The following DMD variants were observed in gnomAD, a reference collection of about 807,000 sequenced individuals.
DMD encodes the protein dystrophin.
In DMD, 63 loss-of-function variants were observed where a neutral mutation model predicts 330.1. The observed-to-expected ratio is 0.19, with a 90% confidence interval of 0.16 to 0.24. The LOEUF is 0.24. DMD is among the 10% of genes least tolerant of loss of function. The pLI, the probability that DMD is intolerant of heterozygous loss-of-function variation, is 1.00. For synonymous variants in DMD, 1,223 were observed against 959.8 expected, an observed-to-expected ratio of 1.27 and a Z score of -5.07; for missense variants, 3,344 against 2,684.1, an observed-to-expected ratio of 1.25 and a Z score of -5.43.
At chrX:32,554,939 A>AAGAAAGAAAGAAAGAG (rs1556792002) in intron 16 of DMD, among the ~76,000 whole-genome samples, 1 of 27,603 alleles carries the variant, frequency 3.6e-5, no homozygotes. Flanking sequence ...GAAAGAAAGA[A>AAGAAAGAAAGAAAGAG]AGAGAGAGAG....
At chrX:33,054,650 G>T (rs779710646) in intron 1 of DMD, among the ~76,000 whole-genome samples, 4 of 112,060 alleles carry the variant, frequency 3.6e-5, no homozygotes, top group Non-Finnish European at 5.6e-5. Flanking sequence ...TGACACAATC[G>T]AATATGCTTT....
chrX:33,129,717 G>A (rs1010288664), intron 1 of DMD, among the ~76,000 whole-genome samples: 4 of 110,095 alleles, frequency 3.6e-5, no homozygotes, highest in African/African-American at 1.3e-4. Flanking sequence ...TAATCGTACC[G>A]TATTCCCTTG....
At chrX:31,871,061 A>G (rs1487100196) in intron 48 of DMD, among the ~76,000 whole-genome samples, 1 of 111,810 alleles carries the variant, frequency 8.9e-6, no homozygotes, top group Admixed American at 9.5e-5. Flanking sequence ...GGATCTTAGC[A>G]TTCAATTATC....
intron 41 of DMD, among the ~76,000 whole-genome samples, chrX:32,315,849 T>C (rs866120463): frequency 1.8e-5 from 2 of 112,201 alleles, no homozygotes; most frequent in South Asian, 3.7e-4. Flanking sequence ...GTGGCATCTA[T>C]TTAAATTGCC....
intron 52 of DMD, among the ~76,000 whole-genome samples, chrX:31,716,856 C>CACAT (rs1253905525): frequency 7.8e-5 from 7 of 89,760 alleles, no homozygotes; most frequent in Admixed American, 1.5e-4. Context: ...CACACACACA[C>CACAT]ATATATATAT....
At chrX:32,706,648 A>T (rs939397667) in intron 7 of DMD, among the ~76,000 whole-genome samples, 2 of 112,187 alleles carry the variant, frequency 1.8e-5, no homozygotes, top group African/African-American at 6.5e-5. Context: ...ACAGGGAAAA[A>T]AGGAAAATCA....
Position 31,194,368 on chromosome X carries a change from G to A in DMD, c.9807+9593C>T, listed in dbSNP as rs146377997. 5.7e-3 allele frequency among the ~76,000 whole-genome samples: 636 copies of A among 112,183 alleles called. 4 individuals are homozygous for A. Among genetic ancestry groups the A allele is most frequent in the African/African-American group, 0.02 (602 of 30,862 alleles). On this transcript the variant is annotated intron_variant, in intron 67 of 78. Transcript: ENST00000357033. ...GGACTGCATATCAGAGGGTATTGCTGGATTGCTGTTAAATTTGTGTGTAAC... is the reference window on the plus strand; with the variant it reads ...GGACTGCATATCAGAGGGTATTGCTAGATTGCTGTTAAATTTGTGTGTAAC...
At chrX:32,261,200 G>A (rs1402167293) in intron 43 of DMD, among the ~76,000 whole-genome samples, 1 of 111,981 alleles carries the variant, frequency 8.9e-6, no homozygotes, top group African/African-American at 3.2e-5. Context: ...CTACCCGTTT[G>A]AAATCAAAGC....
intron 9 of DMD, among the ~76,000 whole-genome samples, chrX:32,653,532 C>A (rs2060325341): frequency 8.9e-6 from 1 of 111,801 alleles, no homozygotes; most frequent in African/African-American, 3.3e-5. Flanking sequence ...TATTCTGATA[C>A]CAGTACCATG....
intron 62 of DMD, among the ~76,000 whole-genome samples, chrX:31,268,070 T>G (rs185439832): frequency 2.7e-5 from 3 of 112,310 alleles, no homozygotes; most frequent in Non-Finnish European, 5.6e-5. Context: ...AATTTATTTC[T>G]TAAGGGATGG....
chrX:32,050,350 A>G (rs2096099588), intron 44 of DMD, among the ~76,000 whole-genome samples: 1 of 111,240 alleles, frequency 9.0e-6, no homozygotes, highest in Admixed American at 9.6e-5. Flanking sequence ...CAAGTGGGAG[A>G]AGCATAATAA....
At chrX:31,935,254 C>A (rs1291397134) in intron 45 of DMD, among the ~76,000 whole-genome samples, 1 of 112,025 alleles carries the variant, frequency 8.9e-6, no homozygotes, top group Non-Finnish European at 1.9e-5. Flanking sequence ...GCACTCCCCA[C>A]AAAGCTTACT....
intron 34 of DMD, among the ~76,000 whole-genome samples, chrX:32,372,674 C>A (rs950191818): frequency 1.8e-5 from 2 of 111,162 alleles, no homozygotes; most frequent in Non-Finnish European, 3.8e-5. Flanking sequence ...ATTAATTTTA[C>A]CCTCTTTAAT....
At chrX:32,961,652 A>C (rs1446959084) in intron 2 of DMD, among the ~76,000 whole-genome samples, 1 of 111,792 alleles carries the variant, frequency 8.9e-6, no homozygotes, top group Admixed American at 9.6e-5. Context: ...TAAAATAAAA[A>C]ACACTATGTT....
chrX:33,220,562 T>C (rs1440215643), intron 1 of DMD, among the ~76,000 whole-genome samples: 2 of 111,720 alleles, frequency 1.8e-5, no homozygotes, highest in African/African-American at 3.3e-5. Flanking sequence ...GATAAATAAA[T>C]TGGGTGTATG....
At chrX:32,626,693 T>A (rs2058366194) in intron 11 of DMD, among the ~76,000 whole-genome samples, 1 of 104,132 alleles carries the variant, frequency 9.6e-6, no homozygotes, top group African/African-American at 4.1e-5. Context: ...AGGAATAGCA[T>A]TAGGAGAAAT....
At chrX:32,568,979 T>C (rs16990460) in intron 15 of DMD, among the ~76,000 whole-genome samples, 1,408 of 112,318 alleles carry the variant, frequency 0.013, 17 homozygotes, top group African/African-American at 0.043. Flanking sequence ...CATAGGTCTA[T>C]GAGTGCCAGA....
At chrX:32,495,917 A>G (rs1291322867) in intron 19 of DMD, among the ~76,000 whole-genome samples, 1 of 111,969 alleles carries the variant, frequency 8.9e-6, no homozygotes, top group Non-Finnish European at 1.9e-5. Context: ...TATGGAAACC[A>G]TTTTGTTGTA....
chrX:32,882,918 CAG>C (rs1355042618), intron 2 of DMD, among the ~76,000 whole-genome samples: 2 of 112,274 alleles, frequency 1.8e-5, no homozygotes, highest in Non-Finnish European at 3.8e-5. Context: ...AGCAAAAAGC[CAG>C]AGTGTATGCA....
Sources: allele counts gnomAD v4.1 joint callset (sites outside exome capture counted in the v4.1 genomes callset), GRCh38; gene constraint gnomAD v4.1.1; transcripts MANE v1.5; gene names NCBI Gene and HGNC (gene_info 2026-07-23, HGNC 2026-07-21).